PPP4R1: variants seen among roughly 807,000 people sequenced by gnomAD.
PPP4R1 encodes the protein protein phosphatase 4 regulatory subunit 1, also known as serine/threonine-protein phosphatase 4 regulatory subunit 1.
PPP4R1 carries 42 observed loss-of-function variants against 111.2 expected under a neutral mutation model. The ratio of observed to expected loss-of-function variants is 0.38; its 90% confidence interval spans 0.29 to 0.49. The LOEUF is 0.49. PPP4R1 is among the 20% of genes least tolerant of loss of function. The pLI, the probability that PPP4R1 is intolerant of heterozygous loss-of-function variation, is 0.97. For synonymous variants in PPP4R1, 409 were observed against 405.5 expected (o/e 1.01, Z -0.10); for missense variants, 1,012 against 1,161.6 (o/e 0.87, Z 1.87).
At chr18:9,600,432 T>C (rs1279263501) in intron 2 of PPP4R1, among the ~76,000 whole-genome samples, 1 of 151,732 alleles carries the variant, frequency 6.6e-6, no homozygotes, top group Non-Finnish European at 1.5e-5. Flanking sequence ...TAAATATAAA[T>C]GGACTAAAAT....
chr18:9,548,966 T>C (rs2066444533), intron 19 of PPP4R1, among the ~76,000 whole-genome samples: 1 of 152,224 alleles, frequency 6.6e-6, no homozygotes, highest in Non-Finnish European at 1.5e-5. Context: ...ATAAAAATGA[T>C]ACATGCTTCC....
chr18:9,574,760 C>T (rs1019376891), intron 10 of PPP4R1, among the ~76,000 whole-genome samples: 2 of 152,090 alleles, frequency 1.3e-5, no homozygotes, highest in African/African-American at 2.4e-5. Flanking sequence ...ATGATGAAGA[C>T]AAAAGCTCTG....
At chr18:9,580,705 T>G (rs1047514549) in intron 9 of PPP4R1, among the ~76,000 whole-genome samples, 11 of 152,154 alleles carry the variant, frequency 7.2e-5, no homozygotes, top group African/African-American at 2.7e-4. Context: ...AGCAGTGTGC[T>G]GTAGCCAAGC....
At position 9,552,876 on chromosome 18, in the gene PPP4R1, T is replaced by C. The variant is rs977894275; in HGVS notation, c.2291+446A>G. ...ACAATATGGAGGACAACTGAAAACA[T>C]TGTTAAATGAAGAAACCAAGCACAA... On this transcript the variant is annotated intron_variant, in intron 16 of 19. Transcript: ENST00000400556. 1.6e-4 allele frequency among the ~76,000 whole-genome samples: 25 copies of C among 152,274 alleles called. 1 individual carries two copies. The highest frequency in any genetic ancestry group is 3.9e-4 in the East Asian group (2 of 5,190).
chr18:9,573,322 G>A (rs1022726003), intron 10 of PPP4R1, among the ~76,000 whole-genome samples: 3 of 152,070 alleles, frequency 2.0e-5, no homozygotes, highest in African/African-American at 7.2e-5. Flanking sequence ...GAAATACATA[G>A]TATTTTAAAA....
chr18:9,550,112 C>T lies in PPP4R1; in HGVS notation c.2487G>A (p.Val829=), dbSNP rs1168623490. Residue 829 remains valine, a synonymous_variant, in exon 18 of 20, where the codon GTG becomes GTA. Coordinates refer to ENST00000400556, the MANE Select transcript of PPP4R1 (RefSeq NM_001042388.3). ...TFGVDLINEL[V]ENFGRCPKWS... is the part of the protein sequence containing the mutation. ...ACTTGGGACATCTGCCAAAGTTCTC[C>T]ACAAGCTCATTGATGAGGTCCACTC... 3 of 1,614,094 alleles carry T rather than the reference C, an allele frequency of 1.9e-6. No homozygotes were observed. Among genetic ancestry groups the T allele is most frequent in the East Asian group, 4.5e-5 (2 of 44,900 alleles).
At chr18:9,614,624 C>T (rs1202514680), upstream of PPP4R1, 14 of 331,844 alleles carry the variant, frequency 4.2e-5, no homozygotes, top group Admixed American at 6.8e-5. This position sits in a 1 kb window ranked among gnomAD's most constrained non-coding sequence, Gnocchi z 4.1. Context: ...GCGCGCGGGG[C>T]GGGCCGAGGG....
intron 11 of PPP4R1, among the ~76,000 whole-genome samples, chr18:9,566,284 A>G (rs1056906653): frequency 2.0e-5 from 3 of 152,140 alleles, no homozygotes; most frequent in African/African-American, 7.2e-5. Flanking sequence ...GCTAAAGAGA[A>G]GTCAATGCCT....
At chr18:9,616,880 A>C (rs778850883), upstream of PPP4R1, among the ~76,000 whole-genome samples, 5 of 152,212 alleles carry the variant, frequency 3.3e-5, no homozygotes, top group African/African-American at 4.8e-5. Flanking sequence ...AGAGCTATGC[A>C]TTTGATTATC....
intron 2 of PPP4R1, among the ~76,000 whole-genome samples, chr18:9,610,171 GA>G (rs1407234461): frequency 6.6e-6 from 1 of 152,156 alleles, no homozygotes; most frequent in Non-Finnish European, 1.5e-5. Context: ...TTCATTTTAG[GA>G]ATCTACCAAC....
Position 9,614,063 on chromosome 18 carries a change from G to T in PPP4R1, c.52+163C>A. 6 of 492,144 alleles carry T rather than the reference G, an allele frequency of 1.2e-5. No homozygotes were observed. Among genetic ancestry groups the T allele is most frequent in the Non-Finnish European group, 1.5e-5 (5 of 335,154 alleles). The allele number at this position is 492,144 out of a possible 1,614,324, so 30.5% of individuals were successfully genotyped here. A position where few individuals can be genotyped will look rare whatever the true frequency, so the allele number is the denominator to read the frequency against. Reference sequence around the variant, plus strand: ...GAACCTGGGCGCGCCGTTTCCTCACGGACGCGAGATTTTCCCCCCCGATCG... The same window carrying T: ...GAACCTGGGCGCGCCGTTTCCTCACTGACGCGAGATTTTCCCCCCCGATCG... On this transcript the variant is annotated intron_variant, in intron 2 of 19. Transcript: ENST00000400556. This position sits in a 1 kb window ranked among gnomAD's most constrained non-coding sequence, Gnocchi z 4.1.
chr18:9,548,778 C>A (rs546468024), intron 19 of PPP4R1, among the ~76,000 whole-genome samples: 2 of 152,040 alleles, frequency 1.3e-5, no homozygotes, highest in African/African-American at 4.8e-5. Flanking sequence ...ATTAGCTGGG[C>A]GTGGTGGCGG....
intron 10 of PPP4R1, among the ~76,000 whole-genome samples, chr18:9,572,584 T>C (rs1359917411): frequency 6.6e-6 from 1 of 152,200 alleles, no homozygotes; most frequent in East Asian, 1.9e-4. Flanking sequence ...TCTGTGTGCC[T>C]TTAAATACAC....
At chr18:9,582,414 C>T (rs887841413) in intron 9 of PPP4R1, among the ~76,000 whole-genome samples, 1 of 151,920 alleles carries the variant, frequency 6.6e-6, no homozygotes, top group African/African-American at 2.4e-5. Flanking sequence ...CATATACCAA[C>T]AAATTAAGTA....
At chr18:9,549,466 C>A in intron 18 of PPP4R1, 128 bp from the exon 19 acceptor site, 8 of 1,154,084 alleles carry the variant, frequency 6.9e-6, no homozygotes, top group Non-Finnish European at 9.7e-6. Context: ...CAAAATTCCA[C>A]GTACTTGGGA....
Position 9,570,153 on chromosome 18 carries a change from A to T in PPP4R1, c.1573+4T>A. Reference sequence around the variant, plus strand: ...AGAATAAATAACTTGATTGACTTCCATACCTTTAACATCTGGATCATCAAT... The same window carrying T: ...AGAATAAATAACTTGATTGACTTCCTTACCTTTAACATCTGGATCATCAAT... On this transcript the variant is annotated splice_donor_region_variant and intron_variant, in intron 11 of 19. Transcript: ENST00000400556. The T allele has an allele frequency of 3.3e-6, 5 of 1,497,022 alleles. No homozygotes were observed. Among genetic ancestry groups the T allele is most frequent in the Non-Finnish European group, 4.5e-6 (5 of 1,123,282 alleles). The allele number at this position is 1,497,022 out of a possible 1,614,324, so 92.7% of individuals were successfully genotyped here.
At chr18:9,592,767 A>G (rs2067233913) in intron 4 of PPP4R1, among the ~76,000 whole-genome samples, 1 of 152,172 alleles carries the variant, frequency 6.6e-6, no homozygotes, top group Non-Finnish European at 1.5e-5. Context: ...GAACATAACC[A>G]TAATAGGCTA....
At chr18:9,577,213 T>C (rs1344524242) in intron 9 of PPP4R1, 22 bp from the exon 10 acceptor site, 5 of 1,585,420 alleles carry the variant, frequency 3.2e-6, no homozygotes, top group East Asian at 4.5e-5. Flanking sequence ...AAAAGGACAA[T>C]AATAAAGGAA....
At chr18:9,563,128 C>A in intron 12 of PPP4R1, 1 of 1,201,320 alleles carries the variant, frequency 8.3e-7, no homozygotes, top group Non-Finnish European at 1.0e-6. Context: ...CAGTGAGCTA[C>A]ATTAACATTG....
Sources: gnomAD v4.1 joint callset for allele counts (sites outside exome capture counted in the v4.1 genomes callset) on GRCh38, gnomAD v4.1.1 for gene constraint, Gnocchi (gnomAD v3.1) non-coding constraint, MANE v1.5 for transcripts, NCBI Gene and HGNC (gene_info 2026-07-23, HGNC 2026-07-21) for gene names.